UBE3D: variants seen among roughly 807,000 people sequenced by gnomAD.
The protein encoded by UBE3D is E3 ubiquitin-protein ligase E3D.
In UBE3D, 48 loss-of-function variants were observed where a neutral mutation model predicts 49.6. The ratio of observed to expected loss-of-function variants is 0.97; its 90% CI spans 0.77 to 1.23. The LOEUF (loss-of-function observed/expected upper bound fraction) is 1.23, where lower values mean the gene tolerates loss of function less well. Ranked by LOEUF, UBE3D falls within the 50% of genes most tolerant of loss-of-function variation. The pLI is 0.00. For missense variants in UBE3D, 452 were observed against 468.4 expected, an observed-to-expected ratio of 0.96 and a Z score of 0.32; for synonymous variants, 189 against 174.2, an observed-to-expected ratio of 1.08 and a Z score of -0.67.
chr6:82,933,728 G>C (rs1480481854), intron 9 of UBE3D, among the ~76,000 whole-genome samples: 3 of 152,164 alleles, frequency 2.0e-5, no homozygotes, highest in Admixed American at 2.0e-4. Context: ...TTAAATCATA[G>C]AGAGCCAAAG....
chr6:82,924,562 T>G (rs952338957), intron 9 of UBE3D, among the ~76,000 whole-genome samples: 2 of 152,228 alleles, frequency 1.3e-5, no homozygotes, highest in Non-Finnish European at 2.9e-5. Context: ...ATTAGGTAAT[T>G]TGTAAATTAA....
rs765384012 is a variant in UBE3D, at chr6:82,976,254, A to G, written c.1011-18804T>C. 1.2e-4 allele frequency among the ~76,000 whole-genome samples: 18 copies of G among 152,234 alleles called. 1 individual carries two copies. The highest frequency in any genetic ancestry group is 3.4e-4 in the African/African-American group (14 of 41,466). ...AATAAAATCATAAAATCATAGCACC[A>G]TAATAGCCTGGTGCTATGGTCCCAT... On this transcript the variant is annotated intron_variant, in intron 8 of 9. Coordinates refer to ENST00000369747, the MANE Select transcript of UBE3D (RefSeq NM_198920.3).
chr6:82,958,003 C>T (rs1325708627), intron 8 of UBE3D, among the ~76,000 whole-genome samples: 1 of 152,182 alleles, frequency 6.6e-6, no homozygotes, highest in Non-Finnish European at 1.5e-5. Context: ...AGCGAAGCTG[C>T]TCTGTCTGAA....
the UBE3D span, among the ~76,000 whole-genome samples, chr6:82,882,763 T>C: frequency 2.6e-5 from 4 of 152,306 alleles, no homozygotes; most frequent in African/African-American, 9.6e-5. Flanking sequence ...ACAGTTCCTA[T>C]AGCAATATAA....
At position 83,044,661 on chromosome 6, in the gene UBE3D, T is replaced by C. The variant is rs1294415196; in HGVS notation, c.366-2A>G. 2.5e-6 allele frequency: 4 copies of C among 1,604,440 alleles called. No homozygotes were observed. The highest frequency in any genetic ancestry group is 2.2e-5 in the East Asian group (1 of 44,792). On this transcript the variant is annotated splice_acceptor_variant, in intron 3 of 9. Transcript: ENST00000369747. LOFTEE classifies it high-confidence loss of function. ...AGTGGGAGCACCCTGAGGAGCTTCC[T>C]AGTGGAAAGAGGAAAAATCATTTTT...
intron 9 of UBE3D, among the ~76,000 whole-genome samples, chr6:82,918,855 A>C (rs1773114468): frequency 6.6e-6 from 1 of 151,796 alleles, no homozygotes; most frequent in African/African-American, 2.4e-5. Flanking sequence ...CTTTACCTGC[A>C]CGTAGTTACA....
intron 9 of UBE3D, among the ~76,000 whole-genome samples, chr6:82,896,450 A>G (rs1771324851): frequency 1.3e-5 from 2 of 152,172 alleles, no homozygotes; most frequent in Admixed American, 6.5e-5. Context: ...CGGTTATAAG[A>G]TCTGATTTAG....
At chr6:83,060,975 T>C (rs1264799484) in intron 1 of UBE3D, among the ~76,000 whole-genome samples, 1 of 152,176 alleles carries the variant, frequency 6.6e-6, no homozygotes, top group East Asian at 1.9e-4. Flanking sequence ...CTCCAATTAC[T>C]GATTATGAAG....
At chr6:83,057,749 A>C in intron 2 of UBE3D, 77 bp downstream of exon 2, 1 of 1,484,216 alleles carries the variant, frequency 6.7e-7, no homozygotes, top group Non-Finnish European at 9.2e-7. Context: ...GGAAAAGTTC[A>C]ACTTATCAAA....
At chr6:83,020,724 T>C (rs1781034258) in intron 7 of UBE3D, among the ~76,000 whole-genome samples, 1 of 152,176 alleles carries the variant, frequency 6.6e-6, no homozygotes, top group Non-Finnish European at 1.5e-5. Context: ...TTATCTGCAA[T>C]TAGAAAAGCA....
intron 9 of UBE3D, among the ~76,000 whole-genome samples, chr6:82,922,403 A>G (rs1773413970): frequency 6.6e-6 from 1 of 152,198 alleles, no homozygotes; most frequent in Non-Finnish European, 1.5e-5. Context: ...TTATGGGGCT[A>G]TTGAAACCTT....
At chr6:82,898,335 C>T (rs112078526) in intron 9 of UBE3D, among the ~76,000 whole-genome samples, 1 of 152,122 alleles carries the variant, frequency 6.6e-6, no homozygotes, top group Non-Finnish European at 1.5e-5. Context: ...TGGGTATATA[C>T]CCAAAGGACT....
chr6:83,008,335 T>C lies in UBE3D; in HGVS notation c.1010+10638A>G, dbSNP rs148830422. 1.3e-4 allele frequency among the ~76,000 whole-genome samples: 20 copies of C among 152,278 alleles called. No homozygotes were observed. In the East Asian group the frequency reaches 3.7e-3, roughly 28 times the overall value. ...GGCAGACTTAAACTACAGAAGTTAA[T>C]ATAGAGTCTAAAGCCAAAAAGTTAA... On this transcript the variant is annotated intron_variant, in intron 8 of 9. Transcript: ENST00000369747.
At chr6:83,004,957 C>A (rs558704123) in intron 8 of UBE3D, among the ~76,000 whole-genome samples, 1 of 152,176 alleles carries the variant, frequency 6.6e-6, no homozygotes, top group Admixed American at 6.5e-5. Context: ...ACACTAAAAG[C>A]ACAGGCAACA....
At chr6:82,937,300 GT>G (rs1015435129) in intron 9 of UBE3D, among the ~76,000 whole-genome samples, 1 of 148,746 alleles carries the variant, frequency 6.7e-6, no homozygotes, top group Admixed American at 6.8e-5. Flanking sequence ...TCCCCAGGCT[GT>G]TGTTTCCCCC....
chr6:82,910,892 G>A (rs930532118), intron 9 of UBE3D, among the ~76,000 whole-genome samples: 15 of 152,020 alleles, frequency 9.9e-5, no homozygotes, highest in African/African-American at 3.6e-4. Flanking sequence ...CAATCACTGT[G>A]GCTCACCAAT....
chr6:83,033,693 A>G (rs1316522135), intron 5 of UBE3D, among the ~76,000 whole-genome samples: 1 of 152,162 alleles, frequency 6.6e-6, no homozygotes, highest in Non-Finnish European at 1.5e-5. Flanking sequence ...GCCTCCCCCA[A>G]ACCAGAAGCT....
chr6:83,009,119 A>G (rs906774385), intron 8 of UBE3D, among the ~76,000 whole-genome samples: 5 of 152,202 alleles, frequency 3.3e-5, no homozygotes, highest in African/African-American at 1.2e-4. Flanking sequence ...TCAAGAAAGG[A>G]AAGGTAAAGA....
chr6:82,970,498 T>C (rs950311243), intron 8 of UBE3D, among the ~76,000 whole-genome samples: 4 of 152,184 alleles, frequency 2.6e-5, no homozygotes, highest in African/African-American at 9.7e-5. Context: ...AGTAGTGATT[T>C]TTAAACCATT....
Sources: gnomAD v4.1 joint callset for allele counts (sites outside exome capture counted in the v4.1 genomes callset) on GRCh38, gnomAD v4.1.1 for gene constraint, MANE v1.5 for transcripts, NCBI Gene and HGNC (gene_info 2026-07-23, HGNC 2026-07-21) for gene names.